Variants in SUGCT observed in about 807,000 individuals in gnomAD.
SUGCT encodes succinyl-CoA:glutarate-CoA transferase.
A neutral mutation model predicts 55.0 loss-of-function variants in SUGCT; 41 were observed. The ratio of observed to expected loss-of-function variants is 0.74; its 90% CI spans 0.58 to 0.97. SUGCT has a LOEUF of 0.97. Ranked by LOEUF, SUGCT falls within the 50% of genes least tolerant of loss-of-function variation. The pLI is 0.00. For synonymous variants in SUGCT, 187 were observed against 200.4 expected (o/e 0.93, Z 0.56); for missense variants, 568 against 547.8 (o/e 1.04, Z -0.37).
chr7:40,864,459 G>C (rs1584556503), downstream of SUGCT, among the ~76,000 whole-genome samples: 2 of 152,074 alleles, frequency 1.3e-5, no homozygotes, highest in East Asian at 3.9e-4. Flanking sequence ...GAATGACCCT[G>C]AACTTTTAAA....
chr7:40,663,485 ATGTGTGTGTGTGTGTG>A lies in SUGCT; in HGVS notation c.1090-85927_1090-85912del, dbSNP rs59033010. On this transcript the variant is annotated intron_variant, in intron 12 of 13. Coordinates refer to ENST00000335693, the MANE Select transcript of SUGCT (RefSeq NM_001193313.2). ...TATTCACCAAATTACTTTGTGGTGT[ATGTGTGTGTGTGTGTG>A]TGTGTGTGTGTGTGTGTGTGTATCA... 1.3e-4 allele frequency among the ~76,000 whole-genome samples: 18 copies of A among 135,064 alleles called. No homozygotes were observed. In the East Asian group the frequency reaches 2.5e-3, roughly 19 times the overall value. 88.6% of individuals were successfully genotyped at this position (135,064 alleles called of 152,430 possible). A position where few individuals can be genotyped will look rare whatever the true frequency, so the allele number is the denominator to read the frequency against.
At chr7:40,893,594 A>G in the SUGCT span, among the ~76,000 whole-genome samples, 1 of 152,336 alleles carries the variant, frequency 6.6e-6, no homozygotes, top group East Asian at 1.9e-4. Context: ...CTAGTGAACA[A>G]CCAATGGGTC....
chr7:40,660,233 G>A (rs1460801125), intron 12 of SUGCT, among the ~76,000 whole-genome samples: 1 of 152,118 alleles, frequency 6.6e-6, no homozygotes, highest in Non-Finnish European at 1.5e-5. Flanking sequence ...CCAGTGAAAT[G>A]GGGTAAGGCA....
At chr7:40,574,616 G>A (rs1311552138) in intron 12 of SUGCT, among the ~76,000 whole-genome samples, 1 of 152,174 alleles carries the variant, frequency 6.6e-6, no homozygotes, top group Non-Finnish European at 1.5e-5. Flanking sequence ...ATTTTTAGTA[G>A]AGACAGGGTT....
intron 8 of SUGCT, among the ~76,000 whole-genome samples, chr7:40,312,693 C>T (rs1230481725): frequency 2.0e-5 from 3 of 152,146 alleles, no homozygotes; most frequent in African/African-American, 7.2e-5. Context: ...GAAATATAAT[C>T]TCTTGCTTGC....
chr7:40,989,940 G>T, the SUGCT span, among the ~76,000 whole-genome samples: 3 of 152,172 alleles, frequency 2.0e-5, no homozygotes, highest in Non-Finnish European at 2.9e-5. Context: ...ACCCCTCAAA[G>T]TCATTCATGA....
At chr7:40,949,588 G>C in the SUGCT span, among the ~76,000 whole-genome samples, 1 of 152,164 alleles carries the variant, frequency 6.6e-6, no homozygotes, top group Non-Finnish European at 1.5e-5. Flanking sequence ...TATGTTTTAG[G>C]TCTACCATTT....
intron 13 of SUGCT, among the ~76,000 whole-genome samples, chr7:40,807,104 T>C (rs1791142928): frequency 6.6e-6 from 1 of 152,360 alleles, no homozygotes; most frequent in Admixed American, 6.5e-5. Context: ...GTAGTGGTAG[T>C]AGTAGCAGTA....
intron 13 of SUGCT, among the ~76,000 whole-genome samples, chr7:40,856,268 T>C (rs1033616580): frequency 1.3e-5 from 2 of 152,228 alleles, no homozygotes; most frequent in African/African-American, 4.8e-5. Context: ...TGAAGTTTTT[T>C]TGTTTAATTT....
chr7:40,911,839 C>G, the SUGCT span, among the ~76,000 whole-genome samples: 9 of 152,096 alleles, frequency 5.9e-5, no homozygotes, highest in African/African-American at 2.2e-4. Context: ...TCCCTGAGTT[C>G]ACATGCTGAA....
At chr7:40,262,283 T>A (rs938698473) in intron 7 of SUGCT, among the ~76,000 whole-genome samples, 7 of 152,146 alleles carry the variant, frequency 4.6e-5, no homozygotes, top group African/African-American at 1.4e-4. Flanking sequence ...CCATCCTGCC[T>A]GATCTCTGAG....
intron 1 of SUGCT, chr7:40,153,519 A>T: frequency 2.6e-6 from 1 of 383,688 alleles, no homozygotes; most frequent in Non-Finnish European, 5.1e-6. Flanking sequence ...TGGACCTATG[A>T]CTCTTTTGTA....
intron 1 of SUGCT, chr7:40,153,864 T>C: frequency 2.7e-6 from 1 of 365,306 alleles, no homozygotes; most frequent in Non-Finnish European, 5.6e-6. Context: ...TTGTGGCAGA[T>C]TTGCCATTTG....
At chr7:40,292,346 A>T (rs1210416840) in intron 8 of SUGCT, among the ~76,000 whole-genome samples, 2 of 152,144 alleles carry the variant, frequency 1.3e-5, no homozygotes, top group Admixed American at 1.3e-4. Flanking sequence ...TTAAAGTTCC[A>T]GAAACACTGT....
At chr7:40,661,186 C>G (rs1421968299) in intron 12 of SUGCT, among the ~76,000 whole-genome samples, 1 of 152,170 alleles carries the variant, frequency 6.6e-6, no homozygotes, top group Non-Finnish European at 1.5e-5. Context: ...ATGTTTTTAG[C>G]TAATGACCTC....
chr7:40,442,023 A>G (rs1277025526), intron 9 of SUGCT, among the ~76,000 whole-genome samples: 2 of 152,126 alleles, frequency 1.3e-5, no homozygotes, highest in Non-Finnish European at 2.9e-5. Context: ...AGTCTGAAAA[A>G]TATTTCAAAG....
At chr7:40,626,950 C>T (rs773680141) in intron 12 of SUGCT, among the ~76,000 whole-genome samples, 4 of 152,184 alleles carry the variant, frequency 2.6e-5, no homozygotes, top group Non-Finnish European at 5.9e-5. Flanking sequence ...GTAGTTTCAA[C>T]ACTGCAAGTT....
chr7:40,646,484 G>T (rs1486509802), intron 12 of SUGCT, among the ~76,000 whole-genome samples: 2 of 152,090 alleles, frequency 1.3e-5, no homozygotes, highest in Non-Finnish European at 2.9e-5. Flanking sequence ...GTGCTGCAGG[G>T]TCTGGTCTCT....
intron 9 of SUGCT, among the ~76,000 whole-genome samples, chr7:40,407,870 G>A (rs1786464471): frequency 6.6e-6 from 1 of 151,962 alleles, no homozygotes. Context: ...TAGTGATGCT[G>A]GAATAGTTTT....
Sources: gnomAD v4.1 joint callset for allele counts (sites outside exome capture counted in the v4.1 genomes callset) on GRCh38, gnomAD v4.1.1 for gene constraint, MANE v1.5 for transcripts, NCBI Gene and HGNC (gene_info 2026-07-23, HGNC 2026-07-21) for gene names.